The following FTO variants were observed in gnomAD, a reference collection of about 807,000 sequenced individuals.
FTO encodes the protein alpha-ketoglutarate-dependent dioxygenase FTO.
In FTO, 47 loss-of-function variants were observed where a neutral mutation model predicts 63.9. That is an observed-to-expected ratio of 0.74 (90% CI 0.58 to 0.94). The LOEUF (loss-of-function observed/expected upper bound fraction) is 0.94, where lower values mean the gene tolerates loss of function less well. Among genes scored for constraint, FTO ranks in the 40% least tolerant of loss-of-function variants. The probability of loss-of-function intolerance (pLI) is 0.00; values close to 1 mark genes in which losing one functional copy is unlikely to be tolerated. For synonymous variants in FTO, 207 were observed against 224.4 expected, an observed-to-expected ratio of 0.92 and a Z score of 0.69; for missense variants, 562 against 618.1, an observed-to-expected ratio of 0.91 and a Z score of 0.96.
At chr16:53,835,178 A>T (rs2079254973) in intron 3 of FTO, among the ~76,000 whole-genome samples, 1 of 152,176 alleles carries the variant, frequency 6.6e-6, no homozygotes, top group Admixed American at 6.5e-5. Context: ...ATTTTCTTGG[A>T]GCACTGTCTT....
chr16:53,881,365 C>G (rs2080829932), intron 6 of FTO, among the ~76,000 whole-genome samples: 1 of 152,130 alleles, frequency 6.6e-6, no homozygotes, highest in Non-Finnish European at 1.5e-5. Flanking sequence ...AAGACACTGT[C>G]TTCATCTTCC....
chr16:53,708,092 C>T (rs2075671607), intron 1 of FTO, among the ~76,000 whole-genome samples: 1 of 151,826 alleles, frequency 6.6e-6, no homozygotes. Context: ...AGCATGGTGG[C>T]TCATGCCTGT....
rs117583296 is a variant in FTO at position 53,954,210 on chromosome 16, G to A, written c.1364+20101G>A. Among the ~76,000 whole-genome samples the A allele has an allele frequency of 1.3e-3, 196 of 152,222 alleles. 6 individuals carry two copies. The East Asian group carries it at 0.035, about 27-fold the overall frequency. Reference sequence around the variant, plus strand: ...AGGTGGATCTATTTAAGCACATCTCGAGAATGAGGAGTTAGTAAGAGTTGT... The same window carrying A: ...AGGTGGATCTATTTAAGCACATCTCAAGAATGAGGAGTTAGTAAGAGTTGT... On this transcript the variant is annotated intron_variant, in intron 8 of 8. Coordinates refer to ENST00000471389, the MANE Select transcript of FTO (RefSeq NM_001080432.3).
chr16:53,858,312 T>G (rs1175973227), intron 4 of FTO, among the ~76,000 whole-genome samples: 8 of 152,298 alleles, frequency 5.3e-5, no homozygotes, highest in African/African-American at 1.9e-4. Context: ...ACTTTAAAAA[T>G]AAGTATCCTT....
chr16:53,885,679 T>C (rs1484040951), intron 6 of FTO, among the ~76,000 whole-genome samples: 1 of 152,246 alleles, frequency 6.6e-6, no homozygotes, highest in Non-Finnish European at 1.5e-5. Flanking sequence ...TAGGCAGTAA[T>C]TGTTTCTGTC....
intron 8 of FTO, among the ~76,000 whole-genome samples, chr16:53,963,896 G>C (rs1376829085): frequency 6.6e-6 from 1 of 152,070 alleles, no homozygotes; most frequent in East Asian, 1.9e-4. Flanking sequence ...GGGATTACAG[G>C]CACCCGCCAC....
At chr16:53,812,747 C>T (rs1221240342) in intron 2 of FTO, among the ~76,000 whole-genome samples, 1 of 152,136 alleles carries the variant, frequency 6.6e-6, no homozygotes, top group Admixed American at 6.6e-5. Flanking sequence ...AAAGATTTGA[C>T]AGATGTGTAC....
intron 1 of FTO, among the ~76,000 whole-genome samples, chr16:53,751,234 C>T (rs1409763428): frequency 1.3e-5 from 2 of 151,834 alleles, no homozygotes; most frequent in East Asian, 1.9e-4. Flanking sequence ...ATAGTGAGAC[C>T]CTCTCTCTAT....
chr16:53,712,554 C>G (rs185809965), intron 1 of FTO, among the ~76,000 whole-genome samples: 1 of 152,188 alleles, frequency 6.6e-6, no homozygotes, highest in Non-Finnish European at 1.5e-5. Context: ...GCTAAACTAT[C>G]GAGTAACAGT....
intron 1 of FTO, among the ~76,000 whole-genome samples, chr16:53,792,749 T>C (rs1209232779): frequency 6.6e-6 from 1 of 152,194 alleles, no homozygotes; most frequent in Non-Finnish European, 1.5e-5. Context: ...GAAAGTATGC[T>C]GCAATATGAT....
In FTO at chr16:54,041,546, TATCTC is replaced by T. The variant is rs565300933; in HGVS notation, c.1365-70213_1365-70209del. ...ATGAGGATTCCGTTGCCATTTTCCT[TATCTC>T]ATATAGGTCTAAGGAAGGAAGATTT... On this transcript the variant is annotated intron_variant, in intron 8 of 8. Coordinates refer to ENST00000471389, the MANE Select transcript of FTO (RefSeq NM_001080432.3). Among the ~76,000 whole-genome samples, 894 of 152,270 alleles carry T rather than the reference TATCTC, an allele frequency of 5.9e-3. 7 individuals carry two copies. Among genetic ancestry groups the T allele is most frequent in the African/African-American group, 0.02 (840 of 41,554 alleles).
At chr16:53,739,236 C>T (rs145947267) in intron 1 of FTO, among the ~76,000 whole-genome samples, 5 of 136,980 alleles carry the variant, frequency 3.7e-5, no homozygotes, top group African/African-American at 1.2e-4. Flanking sequence ...GACGGAGTCT[C>T]GCTCTGTCGC....
intron 8 of FTO, among the ~76,000 whole-genome samples, chr16:54,018,744 G>A (rs1323104089): frequency 6.6e-6 from 1 of 152,132 alleles, no homozygotes; most frequent in African/African-American, 2.4e-5. Context: ...AGAAGAATGT[G>A]TTTGCTTCCC....
rs572889753 is a variant in FTO at position 53,795,464 on chromosome 16, T to TGTGC, written c.46-14668_46-14665dup. Reference sequence around the variant, plus strand: ...GCTAATACATTTGTGTGTGTGTGTGTGTGCGTGCGTGTGTGTGTGTGTAGA... The same window carrying TGTGC: ...GCTAATACATTTGTGTGTGTGTGTGTGTGCGTGCGTGCGTGTGTGTGTGTGTAGA... On this transcript the variant is annotated intron_variant, in intron 1 of 8. Transcript: ENST00000471389. 2.9e-4 allele frequency among the ~76,000 whole-genome samples: 44 copies of TGTGC among 151,950 alleles called. No individual in the cohort carries two copies. The South Asian group carries it at 7.9e-3, about 27-fold the overall frequency.
chr16:53,731,262 T>A (rs1219985241), intron 1 of FTO, among the ~76,000 whole-genome samples: 2 of 152,200 alleles, frequency 1.3e-5, no homozygotes, highest in South Asian at 2.1e-4. Flanking sequence ...TCAAATGGTG[T>A]GTAGGCTGTG....
intron 1 of FTO, among the ~76,000 whole-genome samples, chr16:53,722,305 T>C (rs946739705): frequency 6.6e-6 from 1 of 152,212 alleles, no homozygotes; most frequent in African/African-American, 2.4e-5. Context: ...CTTTTCCCTA[T>C]GGGGATTATA....
intron 1 of FTO, among the ~76,000 whole-genome samples, chr16:53,784,922 A>G (rs56313538): frequency 0.41 from 61,952 of 151,824 alleles, 13,067 homozygotes; most frequent in African/African-American, 0.48. Flanking sequence ...GGGGAAAGTG[A>G]GGAGGGGTTG....
chr16:53,710,866 A>G (rs971724251), intron 1 of FTO, among the ~76,000 whole-genome samples: 2 of 151,670 alleles, frequency 1.3e-5, no homozygotes, highest in Admixed American at 1.3e-4. Context: ...GCTGTCATCC[A>G]GTTTTGCCCC....
chr16:53,789,500 A>AT (rs1004121078), intron 1 of FTO, among the ~76,000 whole-genome samples: 8 of 151,958 alleles, frequency 5.3e-5, no homozygotes, highest in Non-Finnish European at 1.2e-4. Context: ...AATTATTAAC[A>AT]TTTTTTTCTG....
Sources: allele counts gnomAD v4.1 joint callset (sites outside exome capture counted in the v4.1 genomes callset), GRCh38; gene constraint gnomAD v4.1.1; transcripts MANE v1.5; gene names NCBI Gene and HGNC (gene_info 2026-07-23, HGNC 2026-07-21).